SLC12A6: variants seen among roughly 807,000 people sequenced by gnomAD.
SLC12A6 encodes solute carrier family 12 member 6.
SLC12A6 carries 66 observed loss-of-function variants against 135.3 expected under a neutral mutation model. That is an observed-to-expected ratio of 0.49 (90% confidence interval 0.40 to 0.60). The LOEUF (loss-of-function observed/expected upper bound fraction) is 0.60, where lower values mean the gene tolerates loss of function less well. Ranked by LOEUF, SLC12A6 falls within the 20% of genes least tolerant of loss-of-function variation. SLC12A6 has a pLI of 0.00. For synonymous variants in SLC12A6, 513 were observed against 508.8 expected, an observed-to-expected ratio of 1.01 and a Z score of -0.11; for missense variants, 1,058 against 1,452.3, an observed-to-expected ratio of 0.73 and a Z score of 4.41.
At chr15:34,314,296 C>T (rs1888478426) in intron 2 of SLC12A6, among the ~76,000 whole-genome samples, 1 of 152,188 alleles carries the variant, frequency 6.6e-6, no homozygotes, top group Non-Finnish European at 1.5e-5. Flanking sequence ...ATCCACCCAC[C>T]TCGGCCTCCC....
intron 2 of SLC12A6, among the ~76,000 whole-genome samples, chr15:34,329,367 A>G (rs559229576): frequency 3.3e-5 from 5 of 152,376 alleles, no homozygotes; most frequent in Admixed American, 2.6e-4. Flanking sequence ...TTACAGCATT[A>G]TAAGTTGCCT....
intron 3 of SLC12A6, among the ~76,000 whole-genome samples, chr15:34,271,361 A>T (rs1432123945): frequency 1.4e-5 from 2 of 142,936 alleles, no homozygotes; most frequent in South Asian, 4.5e-4. Context: ...TTCCTAAGTA[A>T]GGTTGGCCTA....
chr15:34,314,038 A>G (rs6495655), intron 2 of SLC12A6, among the ~76,000 whole-genome samples: 5,597 of 145,956 alleles, frequency 0.038, 210 homozygotes, highest in African/African-American at 0.099. Context: ...TGTTTACAGC[A>G]TGGTTTATTG....
chr15:34,315,859 G>A (rs1411651436), intron 2 of SLC12A6, among the ~76,000 whole-genome samples: 1 of 151,944 alleles, frequency 6.6e-6, no homozygotes, highest in African/African-American at 2.4e-5. Context: ...TGTGCCTGTA[G>A]TCCCAGGAGG....
At position 34,233,617 on chromosome 15, in the gene SLC12A6, T is replaced by C; in HGVS notation, c.*264A>G. 1 of 398,942 alleles carries C rather than the reference T, an allele frequency of 2.5e-6. No individual in the cohort carries two copies. Among genetic ancestry groups the C allele is most frequent in the East Asian group, 4.5e-5 (1 of 22,224 alleles). 24.7% of individuals were successfully genotyped at this position (398,942 alleles called of 1,614,324 possible). ...TATTGGCTCAGCTTGTTAATTCTAA[T>C]TTGCCTTTGACTGCTCAGACGTGGC... On this transcript the variant is annotated 3_prime_UTR_variant, in exon 26 of 26. Transcript: ENST00000354181.
intron 22 of SLC12A6, 114 bp downstream of exon 22, chr15:34,237,297 TGGCACTAG>T: frequency 1.3e-6 from 1 of 767,388 alleles, no homozygotes; most frequent in Non-Finnish European, 2.1e-6. Context: ...GTTTTTTTTT[TGGCACTAG>T]GGGATTAATC....
At chr15:34,334,727 C>A (rs534948699) in intron 2 of SLC12A6, among the ~76,000 whole-genome samples, 320 of 152,282 alleles carry the variant, frequency 2.1e-3, no homozygotes, top group Non-Finnish European at 3.4e-3. Flanking sequence ...GAGAACCAAG[C>A]TTTTAACATC....
At chr15:34,262,409 G>A (rs761904325) in intron 3 of SLC12A6, among the ~76,000 whole-genome samples, 4 of 151,622 alleles carry the variant, frequency 2.6e-5, no homozygotes, top group Non-Finnish European at 5.9e-5. Context: ...ATTATTCTCC[G>A]CCCTCCTCAC....
At chr15:34,256,157 C>A (rs1328611996) in intron 7 of SLC12A6, 72 bp downstream of exon 7, 11 of 946,224 alleles carry the variant, frequency 1.2e-5, no homozygotes, top group Admixed American at 1.0e-4. Flanking sequence ...CAGAAGTTTG[C>A]ACCTCTAGCT....
At chr15:34,298,813 C>T (rs1178407907) in intron 2 of SLC12A6, among the ~76,000 whole-genome samples, 2 of 152,128 alleles carry the variant, frequency 1.3e-5, no homozygotes, top group African/African-American at 4.8e-5. Flanking sequence ...TGCTTCCACA[C>T]CAATCTATTC....
intron 2 of SLC12A6, among the ~76,000 whole-genome samples, chr15:34,279,799 A>G (rs768720341): frequency 3.9e-5 from 6 of 152,372 alleles, no homozygotes; most frequent in Admixed American, 6.5e-5. Flanking sequence ...GAGATACTCT[A>G]TAAGTCAAAA....
At chr15:34,283,718 T>C (rs1255581040) in intron 2 of SLC12A6, among the ~76,000 whole-genome samples, 2 of 152,070 alleles carry the variant, frequency 1.3e-5, no homozygotes, top group African/African-American at 4.8e-5. Flanking sequence ...AGTGTGAATT[T>C]TACTCTGAAA....
chr15:34,237,618 T>A (rs1308206021), intron 21 of SLC12A6, 68 bp from the exon 22 acceptor site: 3 of 1,318,124 alleles, frequency 2.3e-6, no homozygotes, highest in Non-Finnish European at 3.3e-6. Flanking sequence ...TCCTAAGACA[T>A]TAGACATTGT....
At chr15:34,287,031 T>A (rs1895134099) in intron 2 of SLC12A6, among the ~76,000 whole-genome samples, 2 of 152,084 alleles carry the variant, frequency 1.3e-5, no homozygotes, top group Non-Finnish European at 1.5e-5. Flanking sequence ...CTGGGTTACA[T>A]GTGCAGAATG....
intron 2 of SLC12A6, among the ~76,000 whole-genome samples, chr15:34,302,119 A>G (rs1488204667): frequency 1.3e-5 from 2 of 152,226 alleles, no homozygotes; most frequent in Non-Finnish European, 2.9e-5. Context: ...TTCACAGCCT[A>G]TAACTTATAC....
chr15:34,260,040 A>G (rs994924879), intron 4 of SLC12A6, among the ~76,000 whole-genome samples: 4 of 152,212 alleles, frequency 2.6e-5, no homozygotes, highest in African/African-American at 9.7e-5. Flanking sequence ...TATAGTTAAC[A>G]TATTGTATAT....
chr15:34,327,141 A>G (rs372544583), intron 2 of SLC12A6, among the ~76,000 whole-genome samples: 194 of 152,192 alleles, frequency 1.3e-3, no homozygotes, highest in African/African-American at 4.4e-3. Flanking sequence ...ACAGAATAAA[A>G]TGACTTTTTA....
intron 2 of SLC12A6, among the ~76,000 whole-genome samples, chr15:34,310,221 G>A (rs950352836): frequency 7.0e-6 from 1 of 142,884 alleles, no homozygotes; most frequent in Non-Finnish European, 1.5e-5. Flanking sequence ...CTGTGTCCAG[G>A]CTAGTGTTGA....
chr15:34,304,183 G>A (rs347848), intron 2 of SLC12A6, among the ~76,000 whole-genome samples: 1 of 151,856 alleles, frequency 6.6e-6, no homozygotes, highest in Non-Finnish European at 1.5e-5. Context: ...TGTGTTTGGG[G>A]TTTTTTGCAA....
Sources: gnomAD v4.1 joint callset for allele counts (sites outside exome capture counted in the v4.1 genomes callset) on GRCh38, gnomAD v4.1.1 for gene constraint, MANE v1.5 for transcripts, NCBI Gene and HGNC (gene_info 2026-07-23, HGNC 2026-07-21) for gene names.